DYNC1I1: variants seen among roughly 807,000 people sequenced by gnomAD.
The protein encoded by DYNC1I1 is cytoplasmic dynein 1 intermediate chain 1.
In DYNC1I1, 43 loss-of-function variants were observed where a neutral mutation model predicts 86.6. The observed-to-expected ratio is 0.50, with a 90% CI of 0.39 to 0.64. The LOEUF (loss-of-function observed/expected upper bound fraction) is 0.64. Among genes scored for constraint, DYNC1I1 ranks in the 30% least tolerant of loss-of-function variants. The pLI is 0.00. For synonymous variants in DYNC1I1, 262 were observed against 283.7 expected (o/e 0.92, Z 0.77); for missense variants, 604 against 788.8 (o/e 0.77, Z 2.81).
chr7:96,062,439 T>TC (rs1251664684), intron 14 of DYNC1I1, among the ~76,000 whole-genome samples: 1 of 152,106 alleles, frequency 6.6e-6, no homozygotes, highest in Non-Finnish European at 1.5e-5. Flanking sequence ...TTCTTTTTTT[T>TC]TTTCTCTCTA....
At chr7:96,044,110 T>C (rs963188316) in intron 14 of DYNC1I1, among the ~76,000 whole-genome samples, 3 of 152,126 alleles carry the variant, frequency 2.0e-5, no homozygotes, top group Non-Finnish European at 2.9e-5. Context: ...AAATAAGCAG[T>C]TGGGAATGGG....
Position 95,987,138 on chromosome 7 carries a change from A to G in DYNC1I1, c.826A>G (p.Met276Val). Residue 276 changes from methionine to valine, a missense_variant, in exon 9 of 17, where the codon ATG (methionine) becomes GTG (valine). Coordinates refer to ENST00000447467, the MANE Select transcript of DYNC1I1 (RefSeq NM_001135556.2). ...GTCCAAGCATCGAGTGGTCACTTGT[A>G]TGGACTGGTCCCTCCAGGTAAGAAT... ...HWSKHRVVTCMDWSLQYPELM... is the reference protein window; with the variant it reads ...HWSKHRVVTCVDWSLQYPELM... 6.2e-7 allele frequency: 1 copy of G among 1,613,904 alleles called. No individual in the cohort carries two copies. The highest frequency in any genetic ancestry group is 8.5e-7 in the Non-Finnish European group (1 of 1,179,846).
rs1790223181 is a variant in DYNC1I1, at chr7:95,873,353, T to G, written c.490+3355T>G. On this transcript the variant is annotated intron_variant, in intron 6 of 16. Coordinates refer to ENST00000447467, the MANE Select transcript of DYNC1I1 (RefSeq NM_001135556.2). ...CAGCTGGACCATAATTTCCAAGTAG[T>G]ATAGCCATTTGAAAGAAAAACTTTC... Among the ~76,000 whole-genome samples, 4 of 152,170 alleles carry G rather than the reference T, an allele frequency of 2.6e-5. No individual in the cohort carries two copies. In the South Asian group the frequency reaches 8.3e-4, roughly 32 times the overall value.
At chr7:96,032,925 A>G in intron 12 of DYNC1I1, 145 bp downstream of exon 12, 1 of 635,168 alleles carries the variant, frequency 1.6e-6, no homozygotes, top group Admixed American at 3.1e-5. Context: ...GCCTGCTTTC[A>G]GCAATCTTCT....
chr7:96,095,450 TAATATA>T (rs945448223), intron 16 of DYNC1I1, among the ~76,000 whole-genome samples: 21 of 152,178 alleles, frequency 1.4e-4, no homozygotes, highest in Middle Eastern at 3.2e-3. Flanking sequence ...TTTTAACTAA[TAATATA>T]GCTTTATGTT....
intron 6 of DYNC1I1, among the ~76,000 whole-genome samples, chr7:95,907,658 G>A (rs1335610841): frequency 6.6e-6 from 1 of 152,038 alleles, no homozygotes; most frequent in African/African-American, 2.4e-5. Flanking sequence ...AGCCTCTTCA[G>A]TTCAGTTTCC....
At chr7:96,086,967 T>C (rs1029288120) in intron 16 of DYNC1I1, among the ~76,000 whole-genome samples, 2 of 152,074 alleles carry the variant, frequency 1.3e-5, no homozygotes, top group Admixed American at 6.5e-5. Flanking sequence ...AGAGATTCAA[T>C]GGGCCATTTT....
intron 15 of DYNC1I1, 87 bp downstream of exon 15, chr7:96,076,284 G>A: frequency 6.5e-7 from 1 of 1,531,744 alleles, no homozygotes; most frequent in Non-Finnish European, 8.8e-7. Flanking sequence ...TCTCCAAAAC[G>A]GCCTTTTTTG....
intron 10 of DYNC1I1, among the ~76,000 whole-genome samples, chr7:96,025,846 G>GA (rs1245613798): frequency 6.6e-6 from 1 of 151,188 alleles, no homozygotes; most frequent in African/African-American, 2.4e-5. Context: ...CTTGCGGGGG[G>GA]GGGATATTTG....
intron 5 of DYNC1I1, among the ~76,000 whole-genome samples, chr7:95,863,275 A>G (rs1240627213): frequency 1.3e-5 from 2 of 152,226 alleles, no homozygotes; most frequent in African/African-American, 4.8e-5. Context: ...AAAAGGCTAC[A>G]TCTTTTATTA....
chr7:95,981,056 T>C (rs1340519575), intron 7 of DYNC1I1, among the ~76,000 whole-genome samples: 1 of 152,168 alleles, frequency 6.6e-6, no homozygotes, highest in Non-Finnish European at 1.5e-5. Context: ...TTTTGAATAA[T>C]TTTTATATTG....
At chr7:95,942,899 A>G (rs974870772) in intron 6 of DYNC1I1, among the ~76,000 whole-genome samples, 21 of 146,416 alleles carry the variant, frequency 1.4e-4, no homozygotes, top group East Asian at 1.4e-3. Context: ...ATCTATGACA[A>G]ACCCACAGCC....
chr7:96,023,760 C>G (rs1029988476), intron 10 of DYNC1I1, among the ~76,000 whole-genome samples: 1 of 152,112 alleles, frequency 6.6e-6, no homozygotes, highest in Non-Finnish European at 1.5e-5. Context: ...AGGAGGTGGT[C>G]TGTCTTTGCA....
At chr7:96,023,490 C>A (rs1338141400) in intron 10 of DYNC1I1, among the ~76,000 whole-genome samples, 1 of 152,170 alleles carries the variant, frequency 6.6e-6, no homozygotes. Context: ...CATCTCTAAG[C>A]TGGCCTGGAT....
chr7:95,988,201 A>T (rs1584229274), intron 9 of DYNC1I1, among the ~76,000 whole-genome samples: 3 of 152,040 alleles, frequency 2.0e-5, no homozygotes, highest in Admixed American at 2.0e-4. Context: ...ACATGGTGAA[A>T]CCCCTTCTCT....
chr7:95,982,024 C>G (rs1445774558), intron 7 of DYNC1I1, among the ~76,000 whole-genome samples: 2 of 152,012 alleles, frequency 1.3e-5, no homozygotes, highest in Non-Finnish European at 2.9e-5. Context: ...AATATGATGC[C>G]TGGAGAGGTT....
chr7:95,783,747 A>T (rs1373120713), intron 1 of DYNC1I1, among the ~76,000 whole-genome samples: 1 of 152,138 alleles, frequency 6.6e-6, no homozygotes, highest in Non-Finnish European at 1.5e-5. Flanking sequence ...AAATGTGATT[A>T]TGATTAAGAG....
intron 5 of DYNC1I1, among the ~76,000 whole-genome samples, chr7:95,840,353 G>A (rs934735944): frequency 2.0e-5 from 3 of 151,650 alleles, no homozygotes; most frequent in African/African-American, 7.3e-5. Flanking sequence ...AATCAAATCT[G>A]CTGTTGAAAC....
At chr7:95,874,649 GA>G in intron 6 of DYNC1I1, among the ~76,000 whole-genome samples, 1 of 80,714 alleles carries the variant, frequency 1.2e-5, no homozygotes, top group African/African-American at 6.3e-5. Flanking sequence ...AAAAAGAAGA[GA>G]GAGAGAGAGA....
Sources: allele counts gnomAD v4.1 joint callset (sites outside exome capture counted in the v4.1 genomes callset), GRCh38; gene constraint gnomAD v4.1.1; transcripts MANE v1.5; gene names NCBI Gene and HGNC (gene_info 2026-07-23, HGNC 2026-07-21).